Variants in COLEC12 observed in about 807,000 individuals in gnomAD.
COLEC12 encodes the protein collectin subfamily member 12.
COLEC12 carries 33 observed loss-of-function variants against 71.1 expected under a neutral mutation model. The ratio of observed to expected loss-of-function variants is 0.46; its 90% CI spans 0.35 to 0.62. The LOEUF is 0.62. Among genes scored for constraint, COLEC12 ranks in the 20% least tolerant of loss-of-function variants. The probability of loss-of-function intolerance (pLI) is 0.00; values close to 1 mark genes in which losing one functional copy is unlikely to be tolerated. For synonymous variants in COLEC12, 350 were observed against 353.0 expected, an observed-to-expected ratio of 0.99 and a Z score of 0.10; for missense variants, 765 against 916.1, an observed-to-expected ratio of 0.84 and a Z score of 2.13.
intron 8 of COLEC12, among the ~76,000 whole-genome samples, chr18:322,249 T>C (rs183515985): frequency 3.3e-5 from 5 of 152,180 alleles, no homozygotes; most frequent in East Asian, 1.9e-4. Flanking sequence ...CAGAGGGACC[T>C]TGTACATTTC....
chr18:472,393 C>G (rs1917214685), intron 2 of COLEC12, among the ~76,000 whole-genome samples: 2 of 152,110 alleles, frequency 1.3e-5, no homozygotes, highest in South Asian at 4.1e-4. Context: ...AAAATAGACT[C>G]CTGGTCAGGC....
intron 2 of COLEC12, among the ~76,000 whole-genome samples, chr18:405,641 C>T (rs1220397186): frequency 2.6e-5 from 4 of 152,212 alleles, no homozygotes; most frequent in Admixed American, 6.5e-5. Flanking sequence ...TGCTCCAACA[C>T]AGGTATTTCA....
At chr18:338,145 C>T (rs188411058) in intron 5 of COLEC12, among the ~76,000 whole-genome samples, 4 of 152,246 alleles carry the variant, frequency 2.6e-5, no homozygotes, top group East Asian at 1.9e-4. Flanking sequence ...ATCTCTTCTC[C>T]GACAATTTCC....
chr18:465,166 G>C (rs997919894), intron 2 of COLEC12, among the ~76,000 whole-genome samples: 1 of 152,132 alleles, frequency 6.6e-6, no homozygotes, highest in Non-Finnish European at 1.5e-5. Flanking sequence ...TGCAGTGGTG[G>C]ATCTCAGCTC....
At chr18:402,580 C>G (rs1915709415) in intron 2 of COLEC12, among the ~76,000 whole-genome samples, 1 of 152,114 alleles carries the variant, frequency 6.6e-6, no homozygotes, top group South Asian at 2.1e-4. Flanking sequence ...GGCTCCTCTG[C>G]TGCACCTGGG....
At chr18:351,239 A>C (rs953454282) in intron 3 of COLEC12, among the ~76,000 whole-genome samples, 3 of 151,238 alleles carry the variant, frequency 2.0e-5, no homozygotes, top group Admixed American at 6.6e-5. Flanking sequence ...ACTGCGACAA[A>C]CACTCTCTCA....
intron 2 of COLEC12, among the ~76,000 whole-genome samples, chr18:450,817 T>C (rs1916746330): frequency 6.6e-6 from 1 of 152,190 alleles, no homozygotes; most frequent in Non-Finnish European, 1.5e-5. Flanking sequence ...TGTTAAATCG[T>C]TGTGACCAAA....
chr18:410,803 C>T (rs974243748), intron 2 of COLEC12, among the ~76,000 whole-genome samples: 1 of 152,088 alleles, frequency 6.6e-6, no homozygotes, highest in Middle Eastern at 3.4e-3. Context: ...AAAAAATATC[C>T]GAAAAAAGCT....
At chr18:406,041 A>G (rs1451118132) in intron 2 of COLEC12, among the ~76,000 whole-genome samples, 1 of 152,112 alleles carries the variant, frequency 6.6e-6, no homozygotes, top group Non-Finnish European at 1.5e-5. Flanking sequence ...AATCCCACCA[A>G]AAACAGATGG....
At chr18:363,112 CA>C (rs1328205331) in intron 2 of COLEC12, among the ~76,000 whole-genome samples, 1 of 152,138 alleles carries the variant, frequency 6.6e-6, no homozygotes, top group Non-Finnish European at 1.5e-5. Context: ...AATGACAGTG[CA>C]AAGGGCCAGA....
intron 3 of COLEC12, among the ~76,000 whole-genome samples, chr18:355,499 A>G (rs1914612261): frequency 1.3e-5 from 2 of 152,194 alleles, no homozygotes; most frequent in Admixed American, 1.3e-4. Flanking sequence ...AACAAACAGA[A>G]AAAAAAGAAA....
chr18:360,275 C>T (rs567800074), intron 2 of COLEC12, among the ~76,000 whole-genome samples: 3 of 151,822 alleles, frequency 2.0e-5, no homozygotes, highest in Non-Finnish European at 2.9e-5. Flanking sequence ...CTCTGCCTCC[C>T]GGGTTCAAGT....
chr18:477,930 C>A lies in COLEC12; in HGVS notation c.58+2777G>T, dbSNP rs1454214231. Among the ~76,000 whole-genome samples, 4 of 152,318 alleles carry A rather than the reference C, an allele frequency of 2.6e-5. No homozygotes were observed. The East Asian group carries it at 7.7e-4, about 29-fold the overall frequency. ...TGCTGCATGGAAGGGACTTGGTCTT[C>A]CTTCAATGGTTAAAGTTTAACCATG... On this transcript the variant is annotated intron_variant, in intron 2 of 9. Transcript: ENST00000400256.
chr18:452,568 A>C (rs1017667813), intron 2 of COLEC12, among the ~76,000 whole-genome samples: 3 of 152,168 alleles, frequency 2.0e-5, no homozygotes, highest in African/African-American at 7.2e-5. Context: ...TTTGGTTAAG[A>C]ACCTTGGAAG....
intron 1 of COLEC12, among the ~76,000 whole-genome samples, chr18:485,816 C>T (rs1398216841): frequency 1.3e-5 from 2 of 152,206 alleles, no homozygotes; most frequent in Non-Finnish European, 2.9e-5. Flanking sequence ...CAGAATTTAC[C>T]TCTCATTCTT....
At chr18:429,240 G>A (rs534562814) in intron 2 of COLEC12, among the ~76,000 whole-genome samples, 3 of 151,368 alleles carry the variant, frequency 2.0e-5, no homozygotes. Context: ...ACAAGAACAC[G>A]TTGTCTCTCC....
intron 3 of COLEC12, among the ~76,000 whole-genome samples, chr18:351,105 T>G (rs1016901122): frequency 6.6e-6 from 1 of 152,166 alleles, no homozygotes; most frequent in Admixed American, 6.6e-5. Flanking sequence ...CAGGAAGAAG[T>G]AGTAAGTTCC....
rs144119838 is a variant in COLEC12, at chr18:341,326, C to G, written c.1327+4969G>C. Among the ~76,000 whole-genome samples the G allele has an allele frequency of 6.6e-5, 10 of 152,316 alleles. 2 individuals are homozygous for G. The highest frequency in any genetic ancestry group is 2.4e-4 in the African/African-American group (10 of 41,558). Reference sequence around the variant, plus strand: ...CTCTCTGCGTCTCAGTTCCCTCCCCCGCAAATGGGGAATGTCAATAACTCC... The same window carrying G: ...CTCTCTGCGTCTCAGTTCCCTCCCCGGCAAATGGGGAATGTCAATAACTCC... On this transcript the variant is annotated intron_variant, in intron 5 of 9. Transcript: ENST00000400256.
At chr18:416,504 T>C (rs1311677604) in intron 2 of COLEC12, among the ~76,000 whole-genome samples, 1 of 152,226 alleles carries the variant, frequency 6.6e-6, no homozygotes, top group Non-Finnish European at 1.5e-5. Context: ...GGCTTGTTAT[T>C]ATATCCTAGA....
Sources: gnomAD v4.1 joint callset for allele counts (sites outside exome capture counted in the v4.1 genomes callset) on GRCh38, gnomAD v4.1.1 for gene constraint, MANE v1.5 for transcripts, NCBI Gene and HGNC (gene_info 2026-07-23, HGNC 2026-07-21) for gene names.